PRPS2: variants seen among roughly 807,000 people sequenced by gnomAD.
The protein encoded by PRPS2 is phosphoribosyl pyrophosphate synthetase 2.
For synonymous variants in PRPS2, 111 were observed against 115.3 expected, an observed-to-expected ratio of 0.96 and a Z score of 0.24; for missense variants, 104 against 271.5, an observed-to-expected ratio of 0.38 and a Z score of 4.34.
chrX:12,818,516 G>A (rs935600510), intron 4 of PRPS2, among the ~76,000 whole-genome samples: 10 of 110,578 alleles, frequency 9.0e-5, no homozygotes, highest in African/African-American at 9.9e-5. Context: ...ATCAGAGCAC[G>A]CGAGGAGCTC....
Position 12,811,469 on chromosome X carries a change from ATGACCT to A in PRPS2, c.530+1326_530+1331del, listed in dbSNP as rs758267454. ...CTGCAAGCTGAGGCTTGGTGACCCAATGACCTTGTAGAGCTTTGCAGATGCTATCTG... is the reference window on the plus strand; with the variant it reads ...CTGCAAGCTGAGGCTTGGTGACCCAATGTAGAGCTTTGCAGATGCTATCTG... On this transcript the variant is annotated intron_variant, in intron 4 of 6. Coordinates refer to ENST00000380668, the MANE Select transcript of PRPS2 (RefSeq NM_002765.5). Among the ~76,000 whole-genome samples, 3 of 111,607 alleles carry A rather than the reference ATGACCT, an allele frequency of 2.7e-5. No individual in the cohort carries two copies. The South Asian group carries it at 1.2e-3, about 43-fold the overall frequency.
intron 4 of PRPS2, among the ~76,000 whole-genome samples, chrX:12,814,816 T>C (rs1019616514): frequency 8.9e-6 from 1 of 112,216 alleles, no homozygotes; most frequent in Non-Finnish European, 1.9e-5. Context: ...AGATGCTCTA[T>C]AGGAAATTTG....
intron 2 of PRPS2, among the ~76,000 whole-genome samples, chrX:12,801,250 G>GTGTGTGTA (rs2042568813): frequency 9.7e-6 from 1 of 103,051 alleles, no homozygotes; most frequent in Admixed American, 1.0e-4. Context: ...GTGTGTGTGT[G>GTGTGTGTA]TGTATGTGTG....
intron 4 of PRPS2, among the ~76,000 whole-genome samples, chrX:12,812,261 G>A (rs1434955898): frequency 1.8e-5 from 2 of 112,153 alleles, no homozygotes; most frequent in African/African-American, 6.5e-5. Context: ...AAAGAATCCA[G>A]CCAAAGGGGT....
At chrX:12,813,067 C>G (rs1369539558) in intron 4 of PRPS2, among the ~76,000 whole-genome samples, 2 of 112,293 alleles carry the variant, frequency 1.8e-5, no homozygotes, top group Non-Finnish European at 3.8e-5. Context: ...ATGCTCTTAG[C>G]AGAAATTCAG....
At chrX:12,804,568 A>T (rs771271476) in intron 2 of PRPS2, among the ~76,000 whole-genome samples, 3 of 111,427 alleles carry the variant, frequency 2.7e-5, no homozygotes, top group South Asian at 3.8e-4. Flanking sequence ...TTTAGTAAGC[A>T]CCTAAGAGAG....
chrX:12,820,870 C>T, intron 6 of PRPS2, 67 bp downstream of exon 6: 2 of 1,123,564 alleles, frequency 1.8e-6, no homozygotes, highest in South Asian at 4.1e-5. Context: ...AAAATAGCAT[C>T]ATGTCTTGTG....
chrX:12,809,426 T>C, intron 3 of PRPS2, 94 bp downstream of exon 3: 2 of 882,755 alleles, frequency 2.3e-6, no homozygotes, highest in Non-Finnish European at 1.6e-6. Context: ...TATATATGGC[T>C]ACTCTCTTGG....
chrX:12,820,648 C>G lies in PRPS2; in HGVS notation c.709C>G (p.Leu237Val). The G allele has an allele frequency of 8.3e-7, 1 of 1,206,228 alleles. No homozygotes were observed. The highest frequency in any genetic ancestry group is 1.1e-6 in the Non-Finnish European group (1 of 892,952). ...GTICHAADKL[L>V]SAGATKVYAI... Reference sequence around the variant, plus strand: ...TTATCTTCTGCTGTTCTACAGGCTGCTGTCAGCTGGAGCCACCAAAGTGTA... The same window carrying G: ...TTATCTTCTGCTGTTCTACAGGCTGGTGTCAGCTGGAGCCACCAAAGTGTA... Residue 237 changes from leucine (L) to valine (V), a missense_variant, in exon 6 of 7, where the codon CTG becomes GTG. Coordinates refer to ENST00000380668, the MANE Select transcript of PRPS2 (RefSeq NM_002765.5).
intron 3 of PRPS2, 52 bp from the exon 4 acceptor site, chrX:12,809,965 CAAAAG>C (rs201390974): frequency 0.14 from 148,002 of 1,089,618 alleles, 8,256 homozygotes; most frequent in African/African-American, 0.35. Flanking sequence ...TTTAAAAAAA[CAAAAG>C]AAAACAAAAC....
At chrX:12,792,097 A>T (rs962088833) in intron 1 of PRPS2, among the ~76,000 whole-genome samples, 1 of 112,836 alleles carries the variant, frequency 8.9e-6, no homozygotes, top group Non-Finnish European at 1.9e-5. Context: ...GCGTGCGACT[A>T]AAGGTTTCCC....
intron 2 of PRPS2, among the ~76,000 whole-genome samples, chrX:12,804,074 T>C (rs752190992): frequency 9.1e-6 from 1 of 110,060 alleles, no homozygotes; most frequent in East Asian, 2.8e-4. Context: ...GGAGACAATT[T>C]TGTTCTTTCC....
chrX:12,823,937 T>C lies in PRPS2; in HGVS notation c.*1141T>C, dbSNP rs149261623. The C allele has an allele frequency of 6.3e-4, 71 of 112,317 alleles. 1 individual carries two copies. The highest frequency in any genetic ancestry group is 2.1e-3 in the African/African-American group (64 of 30,832). The allele number at this position is 112,317 out of a possible 1,213,427, so 9.3% of individuals were successfully genotyped here. ...AACTTAAGTGAGACCACCAAATACA[T>C]TGGTCCTGTCCAATTCTACTGAATG... On this transcript the variant is annotated 3_prime_UTR_variant, in exon 7 of 7. Coordinates refer to ENST00000380668, the MANE Select transcript of PRPS2 (RefSeq NM_002765.5).
At chrX:12,815,507 T>TATGTGGACA (rs1323241015) in intron 4 of PRPS2, among the ~76,000 whole-genome samples, 1 of 112,066 alleles carries the variant, frequency 8.9e-6, no homozygotes, top group African/African-American at 3.2e-5. Context: ...GACGGTAATG[T>TATGTGGACA]ATGTGGACAT....
At chrX:12,809,365 T>G (rs1190096242) in intron 3 of PRPS2, 33 bp downstream of exon 3, 1 of 1,141,414 alleles carries the variant, frequency 8.8e-7, no homozygotes, top group Non-Finnish European at 1.2e-6. Flanking sequence ...AATGGTTAAA[T>G]CAAGTCTGTT....
chrX:12,823,042 C>G lies in PRPS2; in HGVS notation c.*246C>G, dbSNP rs182773327. The G allele has an allele frequency of 1.4e-3, 463 of 328,169 alleles. 1 individual carries two copies. The highest frequency in any genetic ancestry group is 0.011 in the African/African-American group (421 of 37,319). The allele number at this position is 328,169 out of a possible 1,213,427, so 27.0% of individuals were successfully genotyped here. ...TGTCTTAAATGAGAAACGTTTTTGT[C>G]ATTTTGACTTTTAACAGGTACAGGT... On this transcript the variant is annotated 3_prime_UTR_variant, in exon 7 of 7. Transcript: ENST00000380668.
At chrX:12,810,228 G>A (rs966617718) in intron 4 of PRPS2, 82 bp downstream of exon 4, 52 of 1,146,476 alleles carry the variant, frequency 4.5e-5, no homozygotes, top group Non-Finnish European at 5.8e-5. Context: ...AAGGAAGCAT[G>A]CTGTAAATTA....
chrX:12,802,488 C>T (rs1326561426), intron 2 of PRPS2, among the ~76,000 whole-genome samples: 1 of 111,478 alleles, frequency 9.0e-6, no homozygotes, highest in African/African-American at 3.3e-5. Context: ...GAAGCATGCG[C>T]CACGACGCCT....
At chrX:12,812,503 T>C (rs2284106) in intron 4 of PRPS2, among the ~76,000 whole-genome samples, 38,827 of 109,999 alleles carry the variant, frequency 0.35, 5,036 homozygotes, top group East Asian at 0.52. Context: ...GGTGCACGCC[T>C]GTAATTCCAG....
Sources: allele counts gnomAD v4.1 joint callset (sites outside exome capture counted in the v4.1 genomes callset), GRCh38; gene constraint gnomAD v4.1.1; transcripts MANE v1.5; gene names NCBI Gene and HGNC (gene_info 2026-07-23, HGNC 2026-07-21).